NRXN3: variants seen among roughly 807,000 people sequenced by gnomAD.
NRXN3 encodes neurexin III.
NRXN3 carries 32 observed loss-of-function variants against 137.6 expected under a neutral mutation model. That is an observed-to-expected ratio of 0.23 (90% CI 0.18 to 0.31). NRXN3 has a LOEUF of 0.31. Ranked by LOEUF, NRXN3 falls within the 10% of genes least tolerant of loss-of-function variation. The pLI is 1.00. For missense variants in NRXN3, 1,574 were observed against 2,062.5 expected, an observed-to-expected ratio of 0.76 and a Z score of 4.59; for synonymous variants, 798 against 784.5, an observed-to-expected ratio of 1.02 and a Z score of -0.29.
chr14:79,642,584 G>T lies in NRXN3; in HGVS notation c.3445-21194G>T, dbSNP rs189555927. Reference sequence around the variant, plus strand: ...ACTGATACAAATATTGACCAGGTAGGTTGTAAAGGACATGGTTCTGTGGCC... The same window carrying T: ...ACTGATACAAATATTGACCAGGTAGTTTGTAAAGGACATGGTTCTGTGGCC... On this transcript the variant is annotated intron_variant, in intron 16 of 20. Coordinates refer to ENST00000335750, the MANE Select transcript of NRXN3 (RefSeq NM_001330195.2). 4.8e-4 allele frequency among the ~76,000 whole-genome samples: 64 copies of T among 133,838 alleles called. 1 individual carries two copies. Among genetic ancestry groups the T allele is most frequent in the African/African-American group, 1.5e-3 (62 of 40,592 alleles). 87.8% of individuals were successfully genotyped at this position (133,838 alleles called of 152,430 possible).
At chr14:78,542,953 T>C (rs550012937) in intron 4 of NRXN3, among the ~76,000 whole-genome samples, 10 of 152,002 alleles carry the variant, frequency 6.6e-5, no homozygotes, top group African/African-American at 1.9e-4. Flanking sequence ...TGAGACAGGG[T>C]GGGTAGGAGA....
chr14:79,088,174 G>T (rs1229692902), intron 15 of NRXN3, among the ~76,000 whole-genome samples: 1 of 150,054 alleles, frequency 6.7e-6, no homozygotes, highest in Non-Finnish European at 1.5e-5. Flanking sequence ...CAATGTTTCA[G>T]ATAAATCACT....
chr14:78,565,549 C>T (rs1013845625), intron 4 of NRXN3, among the ~76,000 whole-genome samples: 1 of 152,212 alleles, frequency 6.6e-6, no homozygotes, highest in Admixed American at 6.5e-5. Flanking sequence ...CTGTCTCTGC[C>T]ATTTACTAGT....
chr14:79,157,276 A>G (rs1310983746), intron 15 of NRXN3, among the ~76,000 whole-genome samples: 1 of 151,792 alleles, frequency 6.6e-6, no homozygotes, highest in Non-Finnish European at 1.5e-5. Flanking sequence ...TGATTTCAGC[A>G]TTGAATCAAC....
chr14:78,860,291 G>C (rs991788758), intron 10 of NRXN3, among the ~76,000 whole-genome samples: 5 of 152,128 alleles, frequency 3.3e-5, no homozygotes, highest in African/African-American at 2.4e-5. Flanking sequence ...AGTGAGGCTT[G>C]ATGGGATCAA....
chr14:78,915,345 CAAAAAA>C (rs35908076), intron 10 of NRXN3, among the ~76,000 whole-genome samples: 7 of 11,188 alleles, frequency 6.3e-4, no homozygotes, highest in Admixed American at 2.3e-3. Context: ...ACGTGTGAAG[CAAAAAA>C]AAAAAAAAAA....
intron 19 of NRXN3, among the ~76,000 whole-genome samples, chr14:79,773,920 T>A (rs1206429163): frequency 6.6e-6 from 1 of 151,516 alleles, no homozygotes; most frequent in African/African-American, 2.4e-5. Context: ...AGACCTAACA[T>A]AAAGTAGTTG....
chr14:79,102,503 T>C (rs1384897083), intron 15 of NRXN3, among the ~76,000 whole-genome samples: 1 of 152,134 alleles, frequency 6.6e-6, no homozygotes, highest in African/African-American at 2.4e-5. Context: ...TTATTTTCAG[T>C]AAATGTTTAC....
intron 4 of NRXN3, among the ~76,000 whole-genome samples, chr14:78,536,683 G>T (rs1282492273): frequency 2.0e-5 from 3 of 151,798 alleles, no homozygotes; most frequent in African/African-American, 7.3e-5. Flanking sequence ...AGGTATACAT[G>T]TGCCATGTTG....
At chr14:79,787,410 CATGA>C (rs2099132432) in intron 19 of NRXN3, among the ~76,000 whole-genome samples, 3 of 152,278 alleles carry the variant, frequency 2.0e-5, no homozygotes, top group South Asian at 2.1e-4. Context: ...TATTCTTTTA[CATGA>C]ATGAATTTTA....
chr14:79,535,814 A>G (rs1430848386), intron 16 of NRXN3, among the ~76,000 whole-genome samples: 1 of 152,172 alleles, frequency 6.6e-6, no homozygotes, highest in Non-Finnish European at 1.5e-5. Flanking sequence ...TCTCTCCAGG[A>G]CACAACAGAG....
rs1555458924 is a variant in NRXN3, at chr14:78,310,282, T to TTTTTTTTC, written c.757+12422_757+12423insTTTTTTTC. 1.6e-5 allele frequency among the ~76,000 whole-genome samples: 2 copies of TTTTTTTTC among 123,910 alleles called. 1 individual carries two copies. Among genetic ancestry groups the TTTTTTTTC allele is most frequent in the Non-Finnish European group, 3.5e-5 (2 of 57,406 alleles). The allele number at this position is 123,910 out of a possible 152,430, so 81.3% of individuals were successfully genotyped here. On this transcript the variant is annotated intron_variant, in intron 4 of 20. Coordinates refer to ENST00000335750, the MANE Select transcript of NRXN3 (RefSeq NM_001330195.2). ...TGGCTTTTTTTTTTTTTTTTTTTTT[T>TTTTTTTTC]CCAGACAGTGAACATGTAGGTGAAG...
intron 10 of NRXN3, among the ~76,000 whole-genome samples, chr14:78,934,157 C>T (rs1210584506): frequency 3.4e-5 from 4 of 117,636 alleles, no homozygotes; most frequent in Non-Finnish European, 6.8e-5. Context: ...AAGAAAACGA[C>T]AACCAAAAAA....
In NRXN3 at chr14:79,868,151, AAAT is replaced by A. The variant is rs1413467862; in HGVS notation, c.*6191_*6193del. 7 of 152,222 alleles carry A rather than the reference AAAT, an allele frequency of 4.6e-5. No homozygotes were observed. Among genetic ancestry groups the A allele is most frequent in the Non-Finnish European group, 1.0e-4 (7 of 68,046 alleles). 9.4% of individuals were successfully genotyped at this position (152,222 alleles called of 1,614,324 possible). On this transcript the variant is annotated 3_prime_UTR_variant, in exon 21 of 21. Transcript: ENST00000335750. ...GTGAAATGCTTAACATATGTGTGACAAATAATTATCCTTAAATAAATGTTGGTC... is the reference window on the plus strand; with the variant it reads ...GTGAAATGCTTAACATATGTGTGACAAATTATCCTTAAATAAATGTTGGTC...
Position 78,492,617 on chromosome 14 carries a change from G to A in NRXN3, c.758-152503G>A, listed in dbSNP as rs111532029. The stretch of plus-strand genomic sequence containing the variant: ...GTGTTCACACACACATAAGCCATTT[G>A]TACCCCACAACCCCAGTATAAAGCT... On this transcript the variant is annotated intron_variant, in intron 4 of 20. Transcript: ENST00000335750. Among the ~76,000 whole-genome samples the A allele has an allele frequency of 1.1e-4, 17 of 152,242 alleles. 1 individual carries two copies. Among genetic ancestry groups the A allele is most frequent in the African/African-American group, 3.6e-4 (15 of 41,570 alleles).
At chr14:78,777,703 A>G (rs2098749074) in intron 8 of NRXN3, among the ~76,000 whole-genome samples, 2 of 152,172 alleles carry the variant, frequency 1.3e-5, no homozygotes, top group South Asian at 4.2e-4. Flanking sequence ...TCACCATTTA[A>G]CAAAAAATTA....
chr14:79,424,690 C>G (rs964158453), intron 15 of NRXN3, among the ~76,000 whole-genome samples: 1 of 152,134 alleles, frequency 6.6e-6, no homozygotes, highest in African/African-American at 2.4e-5. Flanking sequence ...GCCTCTGAAG[C>G]AATACCACTG....
chr14:78,893,090 T>C (rs993245706), intron 10 of NRXN3, among the ~76,000 whole-genome samples: 4 of 151,868 alleles, frequency 2.6e-5, no homozygotes, highest in Non-Finnish European at 5.9e-5. Context: ...GGGCACCTGC[T>C]TGGCCACCCA....
intron 4 of NRXN3, among the ~76,000 whole-genome samples, chr14:78,458,969 A>G (rs1231135855): frequency 6.6e-6 from 1 of 152,214 alleles, no homozygotes; most frequent in African/African-American, 2.4e-5. Flanking sequence ...TCGACCAATG[A>G]TGCCACCTGG....
Sources: allele counts gnomAD v4.1 joint callset (sites outside exome capture counted in the v4.1 genomes callset), GRCh38; gene constraint gnomAD v4.1.1; transcripts MANE v1.5; gene names NCBI Gene and HGNC (gene_info 2026-07-23, HGNC 2026-07-21).